The following PIAS2 variants were observed in gnomAD, a reference collection of about 807,000 sequenced individuals.
The protein encoded by PIAS2 is E3 SUMO-protein ligase PIAS2.
A neutral mutation model predicts 69.7 loss-of-function variants in PIAS2; 19 were observed. That is an observed-to-expected ratio of 0.27 (90% CI 0.19 to 0.40). The LOEUF (loss-of-function observed/expected upper bound fraction) is 0.40, where lower values mean the gene tolerates loss of function less well. Among genes scored for constraint, PIAS2 ranks in the 10% least tolerant of loss-of-function variants. PIAS2 has a pLI of 1.00. For missense variants in PIAS2, 624 were observed against 757.0 expected (o/e 0.82, Z 2.06); for synonymous variants, 261 against 263.2 (o/e 0.99, Z 0.08).
chr18:46,821,094 A>C (rs760997928), intron 11 of PIAS2, 22 bp from the exon 12 acceptor site: 1 of 1,611,956 alleles, frequency 6.2e-7, no homozygotes, highest in Admixed American at 1.7e-5. Context: ...AGCACGGGAA[A>C]TTACAAACAA....
chr18:46,820,908 A>C, intron 12 of PIAS2, 25 bp downstream of exon 12: 1 of 1,581,252 alleles, frequency 6.3e-7, no homozygotes, highest in Non-Finnish European at 8.6e-7. Flanking sequence ...TTAAAAAACA[A>C]AAGAAACAAA....
chr18:46,818,944 T>C (rs1367517557), intron 12 of PIAS2, among the ~76,000 whole-genome samples: 1 of 152,052 alleles, frequency 6.6e-6, no homozygotes, highest in Non-Finnish European at 1.5e-5. Context: ...TTCTCAAGTT[T>C]GCACATTTCT....
At chr18:46,904,907 A>G (rs1429363648) in intron 1 of PIAS2, among the ~76,000 whole-genome samples, 1 of 152,172 alleles carries the variant, frequency 6.6e-6, no homozygotes, top group African/African-American at 2.4e-5. Flanking sequence ...ATGTTAAAAT[A>G]TGGTTTAAAA....
At chr18:46,918,968 G>A (rs776416809), upstream of PIAS2, among the ~76,000 whole-genome samples, 2 of 150,488 alleles carry the variant, frequency 1.3e-5, no homozygotes, top group African/African-American at 4.9e-5. Flanking sequence ...TTGTGTAATT[G>A]TTTATTTGAT....
intron 1 of PIAS2, among the ~76,000 whole-genome samples, chr18:46,895,764 G>A (rs892491925): frequency 5.9e-5 from 9 of 152,106 alleles, no homozygotes; most frequent in African/African-American, 2.2e-4. Context: ...GAGTGACCAA[G>A]CTAATGCCAT....
At chr18:46,850,994 T>G (rs954870819) in intron 5 of PIAS2, among the ~76,000 whole-genome samples, 3 of 152,240 alleles carry the variant, frequency 2.0e-5, no homozygotes, top group African/African-American at 7.2e-5. Context: ...GAGTCTACTA[T>G]AATCATTATT....
intron 2 of PIAS2, among the ~76,000 whole-genome samples, chr18:46,878,352 T>C (rs1359347830): frequency 2.0e-5 from 3 of 152,212 alleles, no homozygotes; most frequent in Non-Finnish European, 4.4e-5. Flanking sequence ...CTTTTTAAGA[T>C]ACCAAAATTT....
At chr18:46,850,508 C>A (rs931287360) in intron 5 of PIAS2, among the ~76,000 whole-genome samples, 3 of 151,964 alleles carry the variant, frequency 2.0e-5, no homozygotes, top group Non-Finnish European at 4.4e-5. Flanking sequence ...CTCTACCTCC[C>A]ATATATTTTT....
At chr18:46,825,771 G>T (rs1410527682) in intron 11 of PIAS2, among the ~76,000 whole-genome samples, 1 of 152,178 alleles carries the variant, frequency 6.6e-6, no homozygotes, top group Non-Finnish European at 1.5e-5. Flanking sequence ...CCTGACATTT[G>T]AAAGAGTTTC....
In PIAS2 at chr18:46,829,764, C is replaced by A; in HGVS notation, c.1306G>T (p.Val436Leu). Residue 436 changes from valine to leucine, a missense_variant, in exon 10 of 14, where the codon GTA becomes TTA. Transcript: ENST00000585916. Reference protein sequence around the residue: ...PMRPKKEAMKVSSQPCTKIES... With the variant: ...PMRPKKEAMKLSSQPCTKIES... ...ATTTTTGTACACGGTTGGCTGGATA[C>A]TTTCATAGCTTCTTTCTTCGGTCTC... is the stretch of plus-strand genomic sequence containing the variant. 1 of 1,613,730 alleles carries A rather than the reference C, an allele frequency of 6.2e-7. No individual in the cohort carries two copies.
chr18:46,818,218 A>G, intron 12 of PIAS2: 1 of 1,207,952 alleles, frequency 8.3e-7, no homozygotes, highest in Non-Finnish European at 1.0e-6. Flanking sequence ...ACATGATTAA[A>G]TATGTAAATG....
chr18:46,851,192 A>G (rs1165847996), intron 5 of PIAS2, among the ~76,000 whole-genome samples: 3 of 152,216 alleles, frequency 2.0e-5, no homozygotes, highest in Non-Finnish European at 4.4e-5. Context: ...GAACTCAGAA[A>G]TACAATTTAT....
At position 46,839,020 on chromosome 18, in the gene PIAS2, A is replaced by G. The variant is rs536219517; in HGVS notation, c.1042-2503T>C. Among the ~76,000 whole-genome samples the G allele has an allele frequency of 2.0e-5, 3 of 152,352 alleles. No homozygotes were observed. In the South Asian group the frequency reaches 6.2e-4, roughly 32 times the overall value. ...TTTTTTATATCCTTTCAATTATAAA[A>G]TGAATAATTTTAATAGATTTTCATA... On this transcript the variant is annotated intron_variant, in intron 8 of 13. Coordinates refer to ENST00000585916, the MANE Select transcript of PIAS2 (RefSeq NM_004671.5).
intron 2 of PIAS2, 69 bp from the exon 3 acceptor site, chr18:46,864,317 A>G (rs2049098628): frequency 1.9e-6 from 2 of 1,027,718 alleles, no homozygotes; most frequent in Non-Finnish European, 2.9e-6. Flanking sequence ...ACCTGCAATA[A>G]CCAGGCATTT....
chr18:46,912,771 A>G (rs562032959), intron 1 of PIAS2, among the ~76,000 whole-genome samples: 1 of 152,324 alleles, frequency 6.6e-6, no homozygotes, highest in Admixed American at 6.5e-5. Context: ...CAAACAAACA[A>G]AAATGGTTAA....
At chr18:46,868,792 C>T (rs771201984) in intron 2 of PIAS2, among the ~76,000 whole-genome samples, 2 of 152,168 alleles carry the variant, frequency 1.3e-5, no homozygotes, top group Non-Finnish European at 1.5e-5. Context: ...GGCTCATCCG[C>T]GATTGCCTTT....
At chr18:46,916,049 T>C (rs1599178112) in intron 1 of PIAS2, among the ~76,000 whole-genome samples, 2 of 152,226 alleles carry the variant, frequency 1.3e-5, no homozygotes, top group East Asian at 1.9e-4. Flanking sequence ...CCTACACTTA[T>C]GGTTCTCTGC....
intron 10 of PIAS2, among the ~76,000 whole-genome samples, chr18:46,828,963 A>T (rs1430767126): frequency 6.6e-6 from 1 of 152,234 alleles, no homozygotes; most frequent in Non-Finnish European, 1.5e-5. Context: ...TCGCAGAGGA[A>T]TAATTAATAA....
intron 9 of PIAS2, among the ~76,000 whole-genome samples, chr18:46,833,134 G>GTTCC (rs1381376272): frequency 2.6e-5 from 4 of 152,126 alleles, no homozygotes; most frequent in Admixed American, 6.5e-5. Flanking sequence ...CACAGTAGCT[G>GTTCC]TATTTCCAAC....
Sources: allele counts gnomAD v4.1 joint callset (sites outside exome capture counted in the v4.1 genomes callset), GRCh38; gene constraint gnomAD v4.1.1; transcripts MANE v1.5; gene names NCBI Gene and HGNC (gene_info 2026-07-23, HGNC 2026-07-21).